KAZN: variants seen among roughly 807,000 people sequenced by gnomAD.
The protein encoded by KAZN is kazrin.
KAZN carries 40 observed loss-of-function variants against 87.4 expected under a neutral mutation model. The ratio of observed to expected loss-of-function variants is 0.46; its 90% CI spans 0.36 to 0.60. The LOEUF is 0.60. Ranked by LOEUF, KAZN falls within the 20% of genes least tolerant of loss-of-function variation. KAZN has a pLI of 0.00. For missense variants in KAZN, 898 were observed against 1,073.9 expected, an observed-to-expected ratio of 0.84 and a Z score of 2.29; for synonymous variants, 466 against 458.3, an observed-to-expected ratio of 1.02 and a Z score of -0.22.
At chr1:14,801,093 C>T (rs1049593831) in intron 1 of KAZN, among the ~76,000 whole-genome samples, 3 of 150,210 alleles carry the variant, frequency 2.0e-5, no homozygotes, top group East Asian at 1.9e-4. Flanking sequence ...AGTCACGGGG[C>T]GCAGAGGGTG....
chr1:14,780,294 C>G (rs553297095), intron 1 of KAZN, among the ~76,000 whole-genome samples: 1 of 152,204 alleles, frequency 6.6e-6, no homozygotes, highest in South Asian at 2.1e-4. Flanking sequence ...CTGTCTCTTC[C>G]CAGCCTCCCC....
intron 1 of KAZN, among the ~76,000 whole-genome samples, chr1:14,086,023 T>G (rs993991953): frequency 2.0e-5 from 3 of 152,226 alleles, no homozygotes; most frequent in Non-Finnish European, 4.4e-5. Flanking sequence ...GGCCCTCATA[T>G]TCTTATTTGC....
At chr1:14,145,863 C>A (rs557363761) in intron 1 of KAZN, among the ~76,000 whole-genome samples, 1 of 152,188 alleles carries the variant, frequency 6.6e-6, no homozygotes, top group Non-Finnish European at 1.5e-5. Context: ...AGCCACTGTG[C>A]CTGGCCAAGA....
At chr1:14,922,791 CAAA>C (rs35903866) in intron 1 of KAZN, among the ~76,000 whole-genome samples, 3 of 75,572 alleles carry the variant, frequency 4.0e-5, no homozygotes, top group African/African-American at 1.0e-4. Flanking sequence ...GACTCTGTCT[CAAA>C]AAAAAAAAAA....
intron 1 of KAZN, among the ~76,000 whole-genome samples, chr1:14,679,708 G>T (rs1201188767): frequency 6.6e-6 from 1 of 152,168 alleles, no homozygotes; most frequent in East Asian, 1.9e-4. Flanking sequence ...AGTGACAGCA[G>T]CATCCCCATT....
intron 1 of KAZN, among the ~76,000 whole-genome samples, chr1:14,713,149 G>T (rs775416300): frequency 6.6e-5 from 10 of 152,188 alleles, no homozygotes; most frequent in African/African-American, 9.7e-5. Context: ...ACCAGGCTCT[G>T]CTCTGTGTGT....
chr1:14,682,129 C>T (rs1416785558), intron 1 of KAZN, among the ~76,000 whole-genome samples: 1 of 152,038 alleles, frequency 6.6e-6, no homozygotes, highest in African/African-American at 2.4e-5. Context: ...CTCTCCATTC[C>T]CCCTTCCTTC....
At chr1:15,089,479 A>G (rs1307060721) in intron 8 of KAZN, among the ~76,000 whole-genome samples, 1 of 152,202 alleles carries the variant, frequency 6.6e-6, no homozygotes, top group Non-Finnish European at 1.5e-5. Flanking sequence ...GTGGGAAGGA[A>G]GTGGCTGCAG....
chr1:14,470,344 G>A (rs1557742161), intron 2 of KAZN, among the ~76,000 whole-genome samples: 1 of 152,150 alleles, frequency 6.6e-6, no homozygotes, highest in South Asian at 2.1e-4. Context: ...AAATTACCGG[G>A]GAAGGTAGTA....
intron 2 of KAZN, among the ~76,000 whole-genome samples, chr1:14,582,275 C>G (rs1395967298): frequency 6.6e-6 from 1 of 152,162 alleles, no homozygotes; most frequent in Non-Finnish European, 1.5e-5. Context: ...TTCTCACCAC[C>G]TCCTCCAGAA....
chr1:14,414,823 G>A lies in KAZN; in HGVS notation c.250-184160G>A, dbSNP rs968038361. Among the ~76,000 whole-genome samples, 8 of 152,134 alleles carry A rather than the reference G, an allele frequency of 5.3e-5. 1 individual carries two copies. The South Asian group carries it at 6.2e-4, about 12-fold the overall frequency. ...ATGGATCACCTGAGGTCAGGAGTTC[G>A]AGACCAGCCTAACCAATATGGTGAA... is the stretch of plus-strand genomic sequence containing the variant. On this transcript the variant is annotated intron_variant, in intron 2 of 16. Coordinates refer to the KAZN transcript ENST00000636203.
intron 1 of KAZN, among the ~76,000 whole-genome samples, chr1:14,919,111 C>A (rs1196128548): frequency 2.0e-5 from 3 of 152,126 alleles, no homozygotes; most frequent in Non-Finnish European, 2.9e-5. Flanking sequence ...TAGAAAAACC[C>A]TCCTCACACC....
chr1:15,009,380 C>T (rs1327561202), intron 2 of KAZN, among the ~76,000 whole-genome samples: 1 of 152,222 alleles, frequency 6.6e-6, no homozygotes, highest in African/African-American at 2.4e-5. Context: ...TCCCAGCTCC[C>T]AGAGCACGCT....
At chr1:14,875,058 G>T (rs943270057) in intron 1 of KAZN, among the ~76,000 whole-genome samples, 1 of 152,036 alleles carries the variant, frequency 6.6e-6, no homozygotes, top group Admixed American at 6.6e-5. Context: ...GTGGCCAGGT[G>T]CGGTGGCTCA....
intron 2 of KAZN, among the ~76,000 whole-genome samples, chr1:14,540,332 G>T (rs1334052287): frequency 6.6e-6 from 1 of 152,176 alleles, no homozygotes; most frequent in Non-Finnish European, 1.5e-5. Context: ...TCTTAGGTGA[G>T]CCTGCAAGGA....
chr1:14,402,717 T>C (rs1359716475), intron 2 of KAZN, among the ~76,000 whole-genome samples: 1 of 152,176 alleles, frequency 6.6e-6, no homozygotes, highest in African/African-American at 2.4e-5. Flanking sequence ...GAACCTGCTC[T>C]ATCAGTTACC....
At chr1:14,565,764 C>T (rs772019994) in intron 2 of KAZN, among the ~76,000 whole-genome samples, 1 of 152,202 alleles carries the variant, frequency 6.6e-6, no homozygotes, top group African/African-American at 2.4e-5. Flanking sequence ...CTAGAAGCCA[C>T]TTTCTTTGCT....
At chr1:14,473,580 C>T (rs558736627) in intron 2 of KAZN, among the ~76,000 whole-genome samples, 43 of 149,810 alleles carry the variant, frequency 2.9e-4, no homozygotes, top group African/African-American at 1.0e-3. Context: ...TGGCCGAGAT[C>T]GTGCCACAAG....
intron 1 of KAZN, among the ~76,000 whole-genome samples, chr1:14,956,299 G>GAAAAAAAAAA (rs35057453): frequency 1.0e-5 from 1 of 99,592 alleles, no homozygotes; most frequent in African/African-American, 4.5e-5. Context: ...AGAAGTCACT[G>GAAAAAAAAAA]AAAAAAAAAA....
Sources: gnomAD v4.1 joint callset for allele counts (sites outside exome capture counted in the v4.1 genomes callset) on GRCh38, gnomAD v4.1.1 for gene constraint, MANE v1.5 for transcripts, NCBI Gene and HGNC (gene_info 2026-07-23, HGNC 2026-07-21) for gene names.